IL1RAPL2: variants seen among roughly 807,000 people sequenced by gnomAD.
IL1RAPL2 encodes interleukin 1 receptor accessory protein like 2.
A neutral mutation model predicts 44.1 loss-of-function variants in IL1RAPL2; 3 were observed. The observed-to-expected ratio is 0.07, with a 90% confidence interval of 0.03 to 0.18. The LOEUF (loss-of-function observed/expected upper bound fraction) is 0.18, where lower values mean the gene tolerates loss of function less well. Among genes scored for constraint, IL1RAPL2 ranks in the 10% least tolerant of loss-of-function variants. The pLI is 1.00. For missense variants in IL1RAPL2, 391 were observed against 496.4 expected, an observed-to-expected ratio of 0.79 and a Z score of 2.02; for synonymous variants, 181 against 178.8, an observed-to-expected ratio of 1.01 and a Z score of -0.10.
intron 2 of IL1RAPL2, among the ~76,000 whole-genome samples, chrX:104,770,040 G>T (rs971619163): frequency 9.0e-6 from 1 of 110,826 alleles, no homozygotes; most frequent in Non-Finnish European, 1.9e-5. Flanking sequence ...TTACCTGATT[G>T]TCATGACATC....
chrX:105,528,226 T>C (rs2036607357), intron 6 of IL1RAPL2, among the ~76,000 whole-genome samples: 1 of 111,851 alleles, frequency 8.9e-6, no homozygotes, highest in Admixed American at 9.5e-5. Flanking sequence ...CAGTGTACTT[T>C]TTTATCTGTT....
chrX:104,769,870 T>C (rs1932613645), intron 2 of IL1RAPL2, among the ~76,000 whole-genome samples: 1 of 112,104 alleles, frequency 8.9e-6, no homozygotes, highest in Non-Finnish European at 1.9e-5. Flanking sequence ...TTGGTTTCTA[T>C]TTGAATCTGA....
chrX:105,158,643 A>C (rs1413474658), intron 2 of IL1RAPL2, among the ~76,000 whole-genome samples: 4 of 112,366 alleles, frequency 3.6e-5, no homozygotes, highest in Non-Finnish European at 7.5e-5. Context: ...AGTTAAAGCT[A>C]TCATCATCTT....
intron 2 of IL1RAPL2, among the ~76,000 whole-genome samples, chrX:104,945,577 A>G (rs888376281): frequency 8.9e-6 from 1 of 112,086 alleles, no homozygotes; most frequent in Non-Finnish European, 1.9e-5. Context: ...TTCTTTGGAA[A>G]TAAGAATCAT....
At chrX:105,682,118 C>T (rs1053884858) in intron 6 of IL1RAPL2, among the ~76,000 whole-genome samples, 5 of 110,265 alleles carry the variant, frequency 4.5e-5, no homozygotes, top group East Asian at 2.8e-4. Context: ...TTAAGCCTGC[C>T]GAAAAAAGTT....
intron 5 of IL1RAPL2, among the ~76,000 whole-genome samples, chrX:105,402,697 C>T (rs891575668): frequency 4.5e-5 from 5 of 111,366 alleles, no homozygotes; most frequent in Non-Finnish European, 7.6e-5. Context: ...TCTATGTGCT[C>T]ACATTAGGGT....
chrX:105,566,106 T>C (rs1193268974), intron 6 of IL1RAPL2, among the ~76,000 whole-genome samples: 1 of 111,189 alleles, frequency 9.0e-6, no homozygotes, highest in African/African-American at 3.3e-5. Context: ...CAAAGTGCTT[T>C]ATTTACAGAA....
At chrX:104,921,154 C>T (rs776694917) in intron 2 of IL1RAPL2, among the ~76,000 whole-genome samples, 8 of 111,916 alleles carry the variant, frequency 7.1e-5, no homozygotes, top group Non-Finnish European at 1.5e-4. Context: ...CTGGAGATAA[C>T]ACAGACACAT....
chrX:104,979,086 T>C lies in IL1RAPL2; in HGVS notation c.83-216389T>C, dbSNP rs1471393079. ...AAAAGTGATAAATAAGGATTAACTTTACAATATATATTCTAAGCTCCTGTA... is the reference window on the plus strand; with the variant it reads ...AAAAGTGATAAATAAGGATTAACTTCACAATATATATTCTAAGCTCCTGTA... On this transcript the variant is annotated intron_variant, in intron 2 of 10. Transcript: ENST00000372582. Among the ~76,000 whole-genome samples the C allele has an allele frequency of 4.5e-5, 5 of 111,582 alleles. No homozygotes were observed. The East Asian group carries it at 1.1e-3, about 25-fold the overall frequency.
intron 2 of IL1RAPL2, among the ~76,000 whole-genome samples, chrX:104,874,279 C>CCTCTCTCACTCTCTCT (rs1556004313): frequency 1.3e-5 from 1 of 76,321 alleles, no homozygotes; most frequent in Non-Finnish European, 2.5e-5. Context: ...TGTCTGTATT[C>CCTCTCTCACTCTCTCT]CTCTCTCTCT....
At chrX:105,408,559 T>C (rs1569436524) in intron 5 of IL1RAPL2, among the ~76,000 whole-genome samples, 1 of 111,532 alleles carries the variant, frequency 9.0e-6, no homozygotes, top group Non-Finnish European at 1.9e-5. Context: ...TGGGAGGAGA[T>C]CAGACCTTTA....
At chrX:104,908,063 T>C (rs1415498547) in intron 2 of IL1RAPL2, among the ~76,000 whole-genome samples, 4 of 110,920 alleles carry the variant, frequency 3.6e-5, no homozygotes, top group Non-Finnish European at 5.7e-5. Context: ...TGTAATGGCC[T>C]TCTTTGTCTC....
At chrX:104,946,720 C>T (rs1212556997) in intron 2 of IL1RAPL2, among the ~76,000 whole-genome samples, 7 of 101,538 alleles carry the variant, frequency 6.9e-5, no homozygotes, top group Middle Eastern at 4.4e-3. Context: ...CCAATTTCAT[C>T]CATGTCCCTA....
At chrX:105,534,455 T>C (rs1436325716) in intron 6 of IL1RAPL2, among the ~76,000 whole-genome samples, 1 of 111,585 alleles carries the variant, frequency 9.0e-6, no homozygotes, top group Non-Finnish European at 1.9e-5. Context: ...TTTTCTATGA[T>C]GTAATTGTTA....
intron 2 of IL1RAPL2, among the ~76,000 whole-genome samples, chrX:104,993,250 T>G (rs964763546): frequency 1.8e-5 from 2 of 111,866 alleles, no homozygotes; most frequent in African/African-American, 6.5e-5. Flanking sequence ...TAATTGTCTC[T>G]AATGATGGTG....
At chrX:104,659,034 G>A (rs1379467838) in intron 2 of IL1RAPL2, 39 bp downstream of exon 2, 2 of 1,023,600 alleles carry the variant, frequency 2.0e-6, no homozygotes, top group African/African-American at 1.9e-5. Flanking sequence ...GGTCAAAAAT[G>A]TACAGTTTTG....
At chrX:105,659,316 G>A (rs1374694854) in intron 6 of IL1RAPL2, among the ~76,000 whole-genome samples, 1 of 111,084 alleles carries the variant, frequency 9.0e-6, no homozygotes, top group Non-Finnish European at 1.9e-5. Flanking sequence ...ACACAGAGAA[G>A]GAATGCAGAG....
chrX:104,899,340 A>G (rs765245273), intron 2 of IL1RAPL2, among the ~76,000 whole-genome samples: 4 of 112,117 alleles, frequency 3.6e-5, no homozygotes, highest in Non-Finnish European at 5.6e-5. Flanking sequence ...TATATTTTCA[A>G]TATTTTTATT....
intron 2 of IL1RAPL2, among the ~76,000 whole-genome samples, chrX:104,942,346 T>C (rs1242441107): frequency 1.8e-5 from 2 of 112,126 alleles, no homozygotes; most frequent in African/African-American, 6.5e-5. Flanking sequence ...GGAATGTTCT[T>C]CCATTTGTTT....
Sources: gnomAD v4.1 joint callset for allele counts (sites outside exome capture counted in the v4.1 genomes callset) on GRCh38, gnomAD v4.1.1 for gene constraint, MANE v1.5 for transcripts, NCBI Gene and HGNC (gene_info 2026-07-23, HGNC 2026-07-21) for gene names.